ANKS1B: variants seen among roughly 807,000 people sequenced by gnomAD.
ANKS1B encodes the protein ankyrin repeat and sterile alpha motif domain-containing protein 1B.
Under a neutral mutation model 148.3 loss-of-function variants are expected in ANKS1B, and 36 were observed. The ratio of observed to expected loss-of-function variants is 0.24; its 90% confidence interval spans 0.19 to 0.32. The LOEUF (loss-of-function observed/expected upper bound fraction) is 0.32. ANKS1B is among the 10% of genes least tolerant of loss of function. The pLI is 1.00. For missense variants in ANKS1B, 1,157 were observed against 1,542.6 expected (o/e 0.75, Z 4.19); for synonymous variants, 542 against 560.8 (o/e 0.97, Z 0.47).
At chr12:99,448,744 T>A (rs2095678200) in intron 10 of ANKS1B, among the ~76,000 whole-genome samples, 1 of 152,054 alleles carries the variant, frequency 6.6e-6, no homozygotes, top group South Asian at 2.1e-4. Context: ...GTGCTGGATA[T>A]AGGGAGAGAA....
intron 12 of ANKS1B, among the ~76,000 whole-genome samples, chr12:99,395,502 T>C (rs1225310012): frequency 6.6e-6 from 1 of 152,180 alleles, no homozygotes; most frequent in East Asian, 1.9e-4. Context: ...CCAATTACCA[T>C]GACCTGTTAA....
At chr12:99,619,638 T>A (rs1403293580) in intron 9 of ANKS1B, among the ~76,000 whole-genome samples, 1 of 151,648 alleles carries the variant, frequency 6.6e-6, no homozygotes, top group Non-Finnish European at 1.5e-5. Flanking sequence ...GTTCTGTGCT[T>A]CCTGTGCACA....
intron 17 of ANKS1B, among the ~76,000 whole-genome samples, chr12:98,869,816 TA>T (rs2099644111): frequency 6.6e-6 from 1 of 152,028 alleles, no homozygotes; most frequent in Non-Finnish European, 1.5e-5. Context: ...TTGTCCCCTT[TA>T]AAAAAATACT....
intron 12 of ANKS1B, among the ~76,000 whole-genome samples, chr12:99,399,213 T>C (rs779278277): frequency 1.1e-4 from 16 of 152,062 alleles, no homozygotes; most frequent in Non-Finnish European, 1.8e-4. Flanking sequence ...TTCACCATGG[T>C]TTAAATAGGT....
intron 17 of ANKS1B, among the ~76,000 whole-genome samples, chr12:98,850,212 G>C (rs1295094197): frequency 6.6e-6 from 1 of 152,170 alleles, no homozygotes; most frequent in Non-Finnish European, 1.5e-5. Flanking sequence ...AATTACGTCT[G>C]AGGAAGTAAA....
intron 17 of ANKS1B, among the ~76,000 whole-genome samples, chr12:98,971,713 A>T (rs1245019687): frequency 6.6e-6 from 1 of 152,182 alleles, no homozygotes; most frequent in Non-Finnish European, 1.5e-5. Flanking sequence ...TAGGATCCAG[A>T]GGGAATGAGG....
chr12:99,480,070 A>G (rs2096386452), intron 10 of ANKS1B, among the ~76,000 whole-genome samples: 1 of 152,016 alleles, frequency 6.6e-6, no homozygotes, highest in East Asian at 1.9e-4. Flanking sequence ...AAAAATACAT[A>G]GATGACTAGG....
intron 8 of ANKS1B, among the ~76,000 whole-genome samples, chr12:99,663,153 G>A (rs915366303): frequency 6.6e-6 from 1 of 152,134 alleles, no homozygotes; most frequent in African/African-American, 2.4e-5. Flanking sequence ...AACGTGAGGT[G>A]TTAAGCTGGT....
chr12:99,849,350 G>A (rs897572992), intron 1 of ANKS1B, among the ~76,000 whole-genome samples: 1 of 152,006 alleles, frequency 6.6e-6, no homozygotes, highest in African/African-American at 2.4e-5. Context: ...CTATCACAGT[G>A]AGACACCACT....
At chr12:99,954,808 CA>C (rs1028631843) in intron 1 of ANKS1B, among the ~76,000 whole-genome samples, 1 of 151,240 alleles carries the variant, frequency 6.6e-6, no homozygotes, top group Admixed American at 6.6e-5. Flanking sequence ...CCGTCCCCAA[CA>C]AAAAAAAATT....
At chr12:99,557,461 C>A (rs2097289690) in intron 9 of ANKS1B, among the ~76,000 whole-genome samples, 1 of 152,168 alleles carries the variant, frequency 6.6e-6, no homozygotes, top group Admixed American at 6.5e-5. Context: ...GCTATTAATA[C>A]TTGAAATTGT....
chr12:98,873,918 A>T (rs892783823), intron 17 of ANKS1B, among the ~76,000 whole-genome samples: 10 of 152,106 alleles, frequency 6.6e-5, no homozygotes, highest in African/African-American at 1.9e-4. Flanking sequence ...GGGTGGGGGG[A>T]AAGGATGTTA....
intron 11 of ANKS1B, among the ~76,000 whole-genome samples, chr12:99,441,325 T>TATCC (rs1375583391): frequency 6.6e-6 from 1 of 151,858 alleles, no homozygotes; most frequent in African/African-American, 2.4e-5. Context: ...TCTCCTGTTC[T>TATCC]ATCCATCCAT....
intron 12 of ANKS1B, among the ~76,000 whole-genome samples, chr12:99,369,846 A>C (rs2093021125): frequency 7.1e-6 from 1 of 139,882 alleles, no homozygotes; most frequent in South Asian, 2.4e-4. Flanking sequence ...AGACAGACAG[A>C]GACAGATAGA....
intron 14 of ANKS1B, among the ~76,000 whole-genome samples, chr12:99,186,481 CA>C (rs2079876990): frequency 6.6e-6 from 1 of 152,170 alleles, no homozygotes; most frequent in African/African-American, 2.4e-5. Context: ...ACACCTCACA[CA>C]GGAGAGCTCT....
At chr12:98,782,263 C>T (rs2098744575) in intron 22 of ANKS1B, 126 bp from the exon 23 acceptor site, 1 of 786,936 alleles carries the variant, frequency 1.3e-6, no homozygotes, top group Non-Finnish European at 2.1e-6. Flanking sequence ...CAAAAGATGC[C>T]ACAAAAGAAC....
rs112199602 is a variant in ANKS1B at position 99,235,946 on chromosome 12, A to T, written c.2419+8396T>A. On this transcript the variant is annotated intron_variant, in intron 14 of 26. Transcript: ENST00000683438. ...TAGCCACCCAGGCCAATCCACCATA[A>T]AACAATCATTCTCCAACTTTCCTGG... 3.5e-3 allele frequency among the ~76,000 whole-genome samples: 526 copies of T among 152,308 alleles called. 3 individuals are homozygous for T. Among genetic ancestry groups the T allele is most frequent in the African/African-American group, 0.012 (495 of 41,578 alleles).
chr12:99,103,447 A>T (rs1350490192), intron 15 of ANKS1B, among the ~76,000 whole-genome samples: 1 of 152,176 alleles, frequency 6.6e-6, no homozygotes, highest in Non-Finnish European at 1.5e-5. Flanking sequence ...TTCCTGCAAT[A>T]TTAAAAATTC....
At chr12:98,957,929 G>A (rs2099865203) in intron 17 of ANKS1B, among the ~76,000 whole-genome samples, 1 of 152,156 alleles carries the variant, frequency 6.6e-6, no homozygotes, top group Non-Finnish European at 1.5e-5. Flanking sequence ...AACTCCTAGA[G>A]AGTAGGCACA....
Sources: gnomAD v4.1 joint callset for allele counts (sites outside exome capture counted in the v4.1 genomes callset) on GRCh38, gnomAD v4.1.1 for gene constraint, MANE v1.5 for transcripts, NCBI Gene and HGNC (gene_info 2026-07-23, HGNC 2026-07-21) for gene names.